The following MCF2 variants were observed in gnomAD, a reference collection of about 807,000 sequenced individuals.
The protein encoded by MCF2 is proto-oncogene DBL.
In MCF2, 44 loss-of-function variants were observed where a neutral mutation model predicts 82.5. The ratio of observed to expected loss-of-function variants is 0.53; its 90% CI spans 0.42 to 0.69. The LOEUF is 0.69. MCF2 is among the 30% of genes least tolerant of loss of function. The pLI is 0.00. For synonymous variants in MCF2, 217 were observed against 224.9 expected, an observed-to-expected ratio of 0.96 and a Z score of 0.32; for missense variants, 623 against 663.1, an observed-to-expected ratio of 0.94 and a Z score of 0.66.
chrX:139,584,029 T>A (rs1928704483), intron 24 of MCF2, among the ~76,000 whole-genome samples: 1 of 111,247 alleles, frequency 9.0e-6, no homozygotes, highest in African/African-American at 3.3e-5. Flanking sequence ...AAATATGTAT[T>A]ATGGTCATCA....
At chrX:139,640,323 G>GA (rs1235348263) in intron 1 of MCF2, among the ~76,000 whole-genome samples, 66 of 111,180 alleles carry the variant, frequency 5.9e-4, no homozygotes, top group Non-Finnish European at 1.1e-3. Context: ...AATATGTTGG[G>GA]AAAAAAATCT....
intron 19 of MCF2, among the ~76,000 whole-genome samples, chrX:139,595,760 A>T (rs898482289): frequency 4.5e-5 from 5 of 110,704 alleles, no homozygotes; most frequent in African/African-American, 1.3e-4. Flanking sequence ...AAATAAAAAA[A>T]AATTTAAAAT....
intron 1 of MCF2, among the ~76,000 whole-genome samples, chrX:139,685,922 G>A (rs1401601093): frequency 3.6e-5 from 4 of 111,179 alleles, no homozygotes; most frequent in African/African-American, 1.3e-4. Flanking sequence ...GATGAAGTAG[G>A]CTTTATCCCT....
At chrX:139,699,695 G>A (rs1935450900) in intron 1 of MCF2, among the ~76,000 whole-genome samples, 1 of 112,170 alleles carries the variant, frequency 8.9e-6, no homozygotes, top group Admixed American at 9.5e-5. Context: ...TCCTTTTTAA[G>A]GCTGAATAAT....
Position 139,696,309 on chromosome X carries a change from TTTTC to T in MCF2, c.-45+11793_-45+11796del, listed in dbSNP as rs1935379518. ...TCCTTCCTTCCTTTCTTTTTCTTTC[TTTTC>T]TTTCTTTCCTTCCTTCCTTCTTTCT... is the stretch of plus-strand genomic sequence containing the variant. On this transcript the variant is annotated intron_variant, in intron 1 of 27. Transcript: ENST00000414978. 4.0e-5 allele frequency among the ~76,000 whole-genome samples: 4 copies of T among 99,096 alleles called. No homozygotes were observed. In the South Asian group the frequency reaches 2.4e-3, roughly 58 times the overall value. The allele number at this position is 99,096 out of a possible 115,157, so 86.1% of individuals were successfully genotyped here.
intron 6 of MCF2, among the ~76,000 whole-genome samples, chrX:139,623,230 A>T (rs1460737974): frequency 2.7e-5 from 3 of 111,724 alleles, no homozygotes; most frequent in African/African-American, 6.5e-5. Flanking sequence ...ATTACTGAGT[A>T]TATACCCAAT....
intron 1 of MCF2, among the ~76,000 whole-genome samples, chrX:139,677,467 G>C (rs1219230578): frequency 8.9e-6 from 1 of 112,150 alleles, no homozygotes; most frequent in Non-Finnish European, 1.9e-5. Context: ...ACCTTCAGTT[G>C]AATTCTTTCT....
intron 1 of MCF2, among the ~76,000 whole-genome samples, chrX:139,686,143 A>G (rs1935118763): frequency 9.0e-6 from 1 of 110,889 alleles, no homozygotes; most frequent in Non-Finnish European, 1.9e-5. Flanking sequence ...GCCATCTATG[A>G]CAAACCCACA....
At chrX:139,655,836 A>G (rs1263841341) in intron 1 of MCF2, among the ~76,000 whole-genome samples, 1 of 111,409 alleles carries the variant, frequency 9.0e-6, no homozygotes, top group African/African-American at 3.3e-5. Context: ...CTTTCTTTCC[A>G]GTATGGATGC....
rs1415449115 is a variant in MCF2, at chrX:139,593,956, G to C, written c.2277+2593C>G. ...ACAGACAAACAGAGAGCCAAATCAT[G>C]AATGAACTCCCATTCACAATTGCTA... On this transcript the variant is annotated intron_variant, in intron 19 of 24. Transcript: ENST00000370576. 7.2e-5 allele frequency among the ~76,000 whole-genome samples: 8 copies of C among 110,930 alleles called. No homozygotes were observed. The East Asian group carries it at 2.3e-3, about 31-fold the overall frequency.
Position 139,607,806 on chromosome X carries a change from T to G in MCF2, c.1402-27A>C, listed in dbSNP as rs763541758. 7.8e-6 allele frequency: 8 copies of G among 1,024,565 alleles called. No individual in the cohort carries two copies. The South Asian group carries it at 1.2e-4, about 15-fold the overall frequency. The allele number at this position is 1,024,565 out of a possible 1,213,427, so 84.4% of individuals were successfully genotyped here. ...TGAAATACAGAAAATAAAAGTTAAATTAGCACCTCTGTAGGTATAATTTTT... is the reference window on the plus strand; with the variant it reads ...TGAAATACAGAAAATAAAAGTTAAAGTAGCACCTCTGTAGGTATAATTTTT... On this transcript the variant is annotated intron_variant, in intron 11 of 24. Transcript: ENST00000370576.
At chrX:139,691,520 G>A (rs185828227) in intron 1 of MCF2, among the ~76,000 whole-genome samples, 262 of 111,245 alleles carry the variant, frequency 2.4e-3, no homozygotes, top group Non-Finnish European at 3.8e-3. Context: ...AAGGGGATAG[G>A]AGACCTGAAC....
intron 3 of MCF2, 57 bp downstream of exon 6, chrX:139,631,338 A>G: frequency 3.0e-6 from 2 of 676,093 alleles, no homozygotes; most frequent in Non-Finnish European, 4.4e-6. Context: ...CTAGAACTAG[A>G]TTTAAAGGCT....
chrX:139,643,659 G>C (rs2148516459), upstream of MCF2, among the ~76,000 whole-genome samples: 1 of 110,741 alleles, frequency 9.0e-6, no homozygotes, highest in Admixed American at 9.7e-5. Context: ...CTGAGCATAG[G>C]TCAAAATTCT....
chrX:139,624,604 T>C (rs1237605012), intron 6 of MCF2, among the ~76,000 whole-genome samples: 7 of 110,178 alleles, frequency 6.4e-5, no homozygotes, highest in African/African-American at 2.3e-4. Context: ...TGTGGAAATG[T>C]TCTAGATTCA....
intron 1 of MCF2, among the ~76,000 whole-genome samples, chrX:139,671,268 G>A (rs1024708300): frequency 8.9e-6 from 1 of 111,914 alleles, no homozygotes; most frequent in Non-Finnish European, 1.9e-5. Flanking sequence ...TAGGCTGCCT[G>A]TTCACTCTGA....
intron 24 of MCF2, among the ~76,000 whole-genome samples, chrX:139,583,261 A>G (rs1034552614): frequency 8.9e-6 from 1 of 112,301 alleles, no homozygotes; most frequent in Non-Finnish European, 1.9e-5. Context: ...ATTTTGAAAA[A>G]TGTAACTTTT....
rs2148482340 is a variant in MCF2 at position 139,626,308 on chromosome X, C to T, written c.573-1G>A. On this transcript the variant is annotated splice_acceptor_variant, in intron 5 of 24. Transcript: ENST00000370576. LOFTEE classifies it high-confidence loss of function. ...CATATCATGTACTTGAGTCAGCAAC[C>T]TTAAGAAAGAAAACTCCAATAAATT... 3.7e-6 allele frequency: 4 copies of T among 1,090,900 alleles called. No homozygotes were observed. Among genetic ancestry groups the T allele is most frequent in the Non-Finnish European group, 5.0e-6 (4 of 798,748 alleles). The allele number at this position is 1,090,900 out of a possible 1,213,427, so 89.9% of individuals were successfully genotyped here.
At chrX:139,639,459 T>C (rs1303008161) in intron 1 of MCF2, among the ~76,000 whole-genome samples, 1 of 111,301 alleles carries the variant, frequency 9.0e-6, no homozygotes, top group Non-Finnish European at 1.9e-5. Context: ...GTCCAATCAC[T>C]GTACGTGGTC....
Sources: allele counts gnomAD v4.1 joint callset (sites outside exome capture counted in the v4.1 genomes callset), GRCh38; gene constraint gnomAD v4.1.1; transcripts MANE v1.5; gene names NCBI Gene and HGNC (gene_info 2026-07-23, HGNC 2026-07-21).